CTNNA2: variants seen among roughly 807,000 people sequenced by gnomAD.
The protein encoded by CTNNA2 is catenin alpha-2.
Under a neutral mutation model 101.0 loss-of-function variants are expected in CTNNA2, and 42 were observed. The observed-to-expected ratio is 0.42, with a 90% CI of 0.32 to 0.54. CTNNA2 has a LOEUF of 0.54. CTNNA2 is among the 20% of genes least tolerant of loss of function. The probability of loss-of-function intolerance (pLI) is 0.14; values close to 1 mark genes in which losing one functional copy is unlikely to be tolerated. For synonymous variants in CTNNA2, 450 were observed against 456.4 expected (o/e 0.99, Z 0.18); for missense variants, 871 against 1,223.1 (o/e 0.71, Z 4.29).
At chr2:80,331,762 G>C (rs1247675014) in intron 7 of CTNNA2, among the ~76,000 whole-genome samples, 2 of 152,088 alleles carry the variant, frequency 1.3e-5, no homozygotes, top group Non-Finnish European at 2.9e-5. Context: ...AAAGAGTGAG[G>C]GTCCCCACTT....
chr2:80,598,827 C>T (rs1488455196), intron 15 of CTNNA2, among the ~76,000 whole-genome samples: 1 of 152,090 alleles, frequency 6.6e-6, no homozygotes, highest in South Asian at 2.1e-4. Context: ...ACATAACAAA[C>T]TTGTAGAGGT....
chr2:80,607,632 G>A (rs950470850), intron 16 of CTNNA2, among the ~76,000 whole-genome samples: 5 of 151,818 alleles, frequency 3.3e-5, no homozygotes, highest in Admixed American at 6.6e-5. Flanking sequence ...TTAAAGGCAG[G>A]TTATTATGTT....
At chr2:79,988,404 A>G (rs1691918602) in intron 7 of CTNNA2, among the ~76,000 whole-genome samples, 1 of 152,108 alleles carries the variant, frequency 6.6e-6, no homozygotes, top group Admixed American at 6.6e-5. Flanking sequence ...TGGCCACATC[A>G]GAAAAAAGAA....
At chr2:79,928,712 G>A (rs1272553245) in intron 7 of CTNNA2, among the ~76,000 whole-genome samples, 2 of 152,202 alleles carry the variant, frequency 1.3e-5, no homozygotes, top group Non-Finnish European at 2.9e-5. Context: ...TCATCCAGCA[G>A]CTTCATGTAT....
intron 2 of CTNNA2, among the ~76,000 whole-genome samples, chr2:79,198,426 G>A (rs1435127746): frequency 6.6e-6 from 1 of 152,116 alleles, no homozygotes; most frequent in Non-Finnish European, 1.5e-5. Context: ...TTCCCTCTGG[G>A]AATCTAATTC....
At chr2:79,499,092 G>C (rs535338684) in intron 4 of CTNNA2, 2 of 152,234 alleles carry the variant, frequency 1.3e-5, no homozygotes, top group Admixed American at 6.5e-5. Context: ...GGCAGAAGAA[G>C]TGTTGTTATA....
intron 3 of CTNNA2, among the ~76,000 whole-genome samples, chr2:79,313,395 T>G (rs2104402312): frequency 6.6e-6 from 1 of 152,326 alleles, no homozygotes; most frequent in Middle Eastern, 3.4e-3. Flanking sequence ...TTACTGTATG[T>G]CAAGAACTAT....
At chr2:80,333,218 C>T (rs1383575653) in intron 7 of CTNNA2, among the ~76,000 whole-genome samples, 1 of 152,122 alleles carries the variant, frequency 6.6e-6, no homozygotes, top group African/African-American at 2.4e-5. Flanking sequence ...TGTCACCTTT[C>T]CACCGGTCTG....
intron 17 of CTNNA2, 54 bp from the exon 18 acceptor site, chr2:80,619,031 T>TC (rs1338937631): frequency 5.3e-4 from 658 of 1,236,026 alleles, no homozygotes; most frequent in Non-Finnish European, 6.4e-4. Context: ...ACTTTTTTTT[T>TC]TTTTCTTTTG....
intron 1 of CTNNA2, among the ~76,000 whole-genome samples, chr2:79,565,446 A>C (rs1675051536): frequency 6.6e-6 from 1 of 152,040 alleles, no homozygotes; most frequent in Non-Finnish European, 1.5e-5. Flanking sequence ...GAAGTTCTCC[A>C]GGGACCCCTT....
At chr2:79,423,417 A>T (rs941110465) in intron 4 of CTNNA2, among the ~76,000 whole-genome samples, 25 of 152,192 alleles carry the variant, frequency 1.6e-4, no homozygotes, top group African/African-American at 3.9e-4. Flanking sequence ...TTCCTGATTT[A>T]AAAAAGTGAG....
intron 9 of CTNNA2, among the ~76,000 whole-genome samples, chr2:80,525,521 C>CA (rs1689958921): frequency 6.6e-6 from 1 of 151,902 alleles, no homozygotes; most frequent in African/African-American, 2.4e-5. Flanking sequence ...TGGCCTCAGG[C>CA]AAAAAAACAA....
intron 9 of CTNNA2, among the ~76,000 whole-genome samples, chr2:80,528,340 GCACT>G (rs1280647812): frequency 6.6e-6 from 1 of 152,118 alleles, no homozygotes; most frequent in Non-Finnish European, 1.5e-5. Flanking sequence ...GGGACTACAG[GCACT>G]CACCACCATG....
intron 2 of CTNNA2, among the ~76,000 whole-genome samples, chr2:79,728,429 T>G (rs141755818): frequency 0.17 from 25,765 of 152,210 alleles, 2,688 homozygotes; most frequent in Non-Finnish European, 0.24. Flanking sequence ...TGAGGTTGTT[T>G]GTTTTTTTCT....
At chr2:79,942,861 C>T (rs774904107) in intron 7 of CTNNA2, among the ~76,000 whole-genome samples, 1 of 152,094 alleles carries the variant, frequency 6.6e-6, no homozygotes, top group Non-Finnish European at 1.5e-5. Flanking sequence ...TGGACTGGTC[C>T]ACTTGACACA....
chr2:79,302,118 G>GTAAATAAATAAATAAA (rs200230820), intron 2 of CTNNA2, among the ~76,000 whole-genome samples: 2 of 149,946 alleles, frequency 1.3e-5, no homozygotes, highest in African/African-American at 4.9e-5. Flanking sequence ...AAATAAATAA[G>GTAAATAAATAAATAAA]TAAATAAATA....
intron 4 of CTNNA2, among the ~76,000 whole-genome samples, chr2:79,377,943 A>T (rs1469664754): frequency 6.6e-6 from 1 of 152,160 alleles, no homozygotes; most frequent in Non-Finnish European, 1.5e-5. Context: ...CGGCAGGCTA[A>T]CTTTTTACCT....
intron 9 of CTNNA2, among the ~76,000 whole-genome samples, chr2:80,441,024 A>G (rs1417898137): frequency 6.6e-6 from 1 of 152,230 alleles, no homozygotes; most frequent in Non-Finnish European, 1.5e-5. Context: ...GAGGCAAACA[A>G]TGTGGCCAAA....
chr2:79,744,330 A>G (rs1671492708), intron 2 of CTNNA2, 57 bp from the exon 3 acceptor site: 9 of 1,476,600 alleles, frequency 6.1e-6, no homozygotes, highest in Non-Finnish European at 7.3e-6. Context: ...ATGAGATAAC[A>G]TGACATTTCT....
Sources: gnomAD v4.1 joint callset for allele counts (sites outside exome capture counted in the v4.1 genomes callset) on GRCh38, gnomAD v4.1.1 for gene constraint, MANE v1.5 for transcripts, NCBI Gene and HGNC (gene_info 2026-07-23, HGNC 2026-07-21) for gene names.